The following HIVEP2 variants were observed in gnomAD, a reference collection of about 807,000 sequenced individuals.
HIVEP2 encodes the protein HIVEP zinc finger 2.
HIVEP2 carries 14 observed loss-of-function variants against 180.7 expected under a neutral mutation model. The ratio of observed to expected loss-of-function variants is 0.08; its 90% CI spans 0.05 to 0.12. The LOEUF (loss-of-function observed/expected upper bound fraction) is 0.12. Among genes scored for constraint, HIVEP2 ranks in the 10% least tolerant of loss-of-function variants. The pLI, the probability that HIVEP2 is intolerant of heterozygous loss-of-function variation, is 1.00. For missense variants in HIVEP2, 2,579 were observed against 3,008.5 expected, an observed-to-expected ratio of 0.86 and a Z score of 3.34; for synonymous variants, 1,184 against 1,136.4, an observed-to-expected ratio of 1.04 and a Z score of -0.84.
chr6:142,759,621 T>C (rs747069712), intron 9 of HIVEP2, 151 bp downstream of exon 9: 29 of 658,156 alleles, frequency 4.4e-5, no homozygotes, highest in Non-Finnish European at 6.6e-5. Context: ...CAATAGCATA[T>C]GACAAAAATG....
Position 142,886,065 on chromosome 6 carries a change from A to T in HIVEP2, c.-640-49018T>A, listed in dbSNP as rs77521970. Among the ~76,000 whole-genome samples, 1,110 of 152,326 alleles carry T rather than the reference A, an allele frequency of 7.3e-3. 5 individuals are homozygous for T. The highest frequency in any genetic ancestry group is 0.011 in the Non-Finnish European group (751 of 68,016). The stretch of plus-strand genomic sequence containing the variant: ...AAGCTTAATTACAAATTTCACCAAA[A>T]ATCCTGACATTTTGCCCACTGTATT... On this transcript the variant is annotated intron_variant, in intron 1 of 9. Coordinates refer to ENST00000367603, the MANE Select transcript of HIVEP2 (RefSeq NM_006734.4).
chr6:142,765,423 T>A (rs764754334), intron 6 of HIVEP2, among the ~76,000 whole-genome samples: 6 of 152,232 alleles, frequency 3.9e-5, no homozygotes, highest in Non-Finnish European at 7.3e-5. Context: ...CCTCTAAATT[T>A]GCTAAATTAA....
chr6:142,869,599 T>A (rs1776238273), intron 1 of HIVEP2, among the ~76,000 whole-genome samples: 1 of 152,156 alleles, frequency 6.6e-6, no homozygotes, highest in South Asian at 2.1e-4. Context: ...ACTCACTTGA[T>A]TTTTAGCATG....
chr6:142,790,486 G>A (rs1776111539), intron 2 of HIVEP2, among the ~76,000 whole-genome samples: 1 of 152,130 alleles, frequency 6.6e-6, no homozygotes, highest in Non-Finnish European at 1.5e-5. Context: ...CAAAAAAGGT[G>A]TATTTGACTA....
chr6:142,780,156 G>T (rs986231071), intron 3 of HIVEP2, among the ~76,000 whole-genome samples: 2 of 152,160 alleles, frequency 1.3e-5, no homozygotes, highest in Non-Finnish European at 2.9e-5. Flanking sequence ...CTTCTGTCAA[G>T]AAAATCTCTT....
rs1362723807 is a variant in HIVEP2 at position 142,771,928 on chromosome 6, G to C, written c.2811C>G (p.Pro937=). ...CTGCAAGTCGCAGACGCTTCTTTTTGGGTGGCAACTTCTCCGCGGGGAGCT... is the reference window on the plus strand; with the variant it reads ...CTGCAAGTCGCAGACGCTTCTTTTTCGGTGGCAACTTCTCCGCGGGGAGCT... ...LSQLPAEKLP[P]KKKRLRLADM... Residue 937 remains proline (P), a synonymous_variant, in exon 5 of 10, where the codon CCC becomes CCG. Coordinates refer to ENST00000367603, the MANE Select transcript of HIVEP2 (RefSeq NM_006734.4). The surrounding 1 kb of genome is among the most constrained non-coding windows in gnomAD (Gnocchi z 5.4). 6.2e-7 allele frequency: 1 copy of C among 1,614,156 alleles called. No individual in the cohort carries two copies. The highest frequency in any genetic ancestry group is 1.3e-5 in the African/African-American group (1 of 75,038).
In HIVEP2 at chr6:142,803,804, G is replaced by A. The variant is rs74866010; in HGVS notation, c.-527-20189C>T. Among the ~76,000 whole-genome samples the A allele has an allele frequency of 7.1e-4, 108 of 152,202 alleles. No homozygotes were observed. The South Asian group carries it at 8.9e-3, about 13-fold the overall frequency. ...TTCACTCCCTGAGACACAGAGAGAT[G>A]ACTTCTCTTCTTTGGCACCCAGTGT... On this transcript the variant is annotated intron_variant, in intron 2 of 9. Coordinates refer to ENST00000367603, the MANE Select transcript of HIVEP2 (RefSeq NM_006734.4).
chr6:142,845,535 G>C (rs1280483692), intron 1 of HIVEP2, among the ~76,000 whole-genome samples: 2 of 152,020 alleles, frequency 1.3e-5, no homozygotes, highest in Non-Finnish European at 2.9e-5. Context: ...TGTGTCACCT[G>C]CTTTTAGAAT....
chr6:142,793,667 CTT>C lies in HIVEP2; in HGVS notation c.-527-10054_-527-10053del, dbSNP rs748468146. Reference sequence around the variant, plus strand: ...TTCTTTCTTTCTTTCTTTTTTCTTTCTTTCTTTCTCTCTCTCTCTCTCTCTCT... The same window carrying C: ...TTCTTTCTTTCTTTCTTTTTTCTTTCTCTTTCTCTCTCTCTCTCTCTCTCT... On this transcript the variant is annotated intron_variant, in intron 2 of 9. Transcript: ENST00000367603. Among the ~76,000 whole-genome samples, 33 of 118,450 alleles carry C rather than the reference CTT, an allele frequency of 2.8e-4. No homozygotes were observed. The East Asian group carries it at 3.5e-3, about 12-fold the overall frequency. 77.7% of individuals were successfully genotyped at this position (118,450 alleles called of 152,430 possible).
intron 2 of HIVEP2, among the ~76,000 whole-genome samples, chr6:142,833,933 T>C (rs2114870863): frequency 6.6e-6 from 1 of 152,296 alleles, no homozygotes; most frequent in East Asian, 1.9e-4. Context: ...AACAGAAGAC[T>C]TGTATGCATC....
intron 1 of HIVEP2, among the ~76,000 whole-genome samples, chr6:142,892,333 T>C (rs1203038720): frequency 2.0e-5 from 3 of 152,126 alleles, no homozygotes; most frequent in Non-Finnish European, 4.4e-5. Flanking sequence ...TGGCTAAAAG[T>C]AGGGACTCAT....
chr6:142,831,792 G>C (rs1321017431), intron 2 of HIVEP2, among the ~76,000 whole-genome samples: 1 of 152,018 alleles, frequency 6.6e-6, no homozygotes, highest in Non-Finnish European at 1.5e-5. Flanking sequence ...TCATGACCTG[G>C]CTCTGGATAT....
At chr6:142,912,692 G>A (rs568728826) in intron 1 of HIVEP2, among the ~76,000 whole-genome samples, 81 of 152,334 alleles carry the variant, frequency 5.3e-4, no homozygotes, top group South Asian at 1.4e-3. Flanking sequence ...TGTGAACCGC[G>A]CATGCGAGGG....
chr6:142,807,459 A>G (rs1250010348), intron 2 of HIVEP2, among the ~76,000 whole-genome samples: 1 of 152,184 alleles, frequency 6.6e-6, no homozygotes, highest in African/African-American at 2.4e-5. Context: ...GGCTGGATGT[A>G]GTTCTGGCAA....
At chr6:142,782,114 A>G (rs1393089196) in intron 3 of HIVEP2, among the ~76,000 whole-genome samples, 1 of 152,238 alleles carries the variant, frequency 6.6e-6, no homozygotes, top group Non-Finnish European at 1.5e-5. Flanking sequence ...ATTTTTAAAA[A>G]TGTAAATGGT....
chr6:142,914,287 T>A (rs893054331), intron 1 of HIVEP2, among the ~76,000 whole-genome samples: 13 of 152,162 alleles, frequency 8.5e-5, no homozygotes, highest in African/African-American at 3.1e-4. Flanking sequence ...ATGGATGGCA[T>A]CTTTCAAAAA....
chr6:142,911,122 A>G (rs1321822790), intron 1 of HIVEP2, among the ~76,000 whole-genome samples: 2 of 149,750 alleles, frequency 1.3e-5, no homozygotes, highest in African/African-American at 4.9e-5. Context: ...AATATGGAAG[A>G]CAAAGCACAA....
intron 3 of HIVEP2, among the ~76,000 whole-genome samples, chr6:142,782,456 CG>C (rs1232498930): frequency 6.6e-6 from 1 of 152,024 alleles, no homozygotes; most frequent in Non-Finnish European, 1.5e-5. Context: ...AGAAAGAAGG[CG>C]TGATGAGTGC....
chr6:142,892,832 G>GT (rs1776893205), intron 1 of HIVEP2, among the ~76,000 whole-genome samples: 1 of 152,164 alleles, frequency 6.6e-6, no homozygotes, highest in Non-Finnish European at 1.5e-5. Context: ...ATTACAGATG[G>GT]AAATGACTTC....
Sources: allele counts gnomAD v4.1 joint callset (sites outside exome capture counted in the v4.1 genomes callset), GRCh38; gene constraint gnomAD v4.1.1; non-coding constraint Gnocchi (gnomAD v3.1); transcripts MANE v1.5; gene names NCBI Gene and HGNC (gene_info 2026-07-23, HGNC 2026-07-21).